The following TNNI3K variants were observed in gnomAD, a reference collection of about 807,000 sequenced individuals.
TNNI3K encodes the protein TNNI3 interacting kinase.
A neutral mutation model predicts 114.5 loss-of-function variants in TNNI3K; 140 were observed. The observed-to-expected ratio is 1.22, with a 90% CI of 1.07 to 1.41. The LOEUF (loss-of-function observed/expected upper bound fraction) is 1.41. Ranked by LOEUF, TNNI3K falls within the 40% of genes most tolerant of loss-of-function variation. The probability of loss-of-function intolerance (pLI) is 0.00; values close to 1 mark genes in which losing one functional copy is unlikely to be tolerated. For synonymous variants in TNNI3K, 347 were observed against 347.5 expected (o/e 1.00, Z 0.02); for missense variants, 1,125 against 1,007.6 (o/e 1.12, Z -1.58).
At chr1:74,446,052 C>A (rs1461075904) in intron 20 of TNNI3K, among the ~76,000 whole-genome samples, 1 of 151,826 alleles carries the variant, frequency 6.6e-6, no homozygotes, top group Non-Finnish European at 1.5e-5. Context: ...TGGGTATATA[C>A]CCAGTAATGG....
intron 7 of TNNI3K, among the ~76,000 whole-genome samples, chr1:74,337,177 A>G (rs1437222003): frequency 2.6e-5 from 4 of 152,018 alleles, no homozygotes; most frequent in Admixed American, 6.6e-5. Flanking sequence ...CATGTCCTTC[A>G]CCCACTTTGT....
At chr1:74,260,786 T>G (rs578251720) in intron 4 of TNNI3K, among the ~76,000 whole-genome samples, 4 of 152,232 alleles carry the variant, frequency 2.6e-5, no homozygotes, top group South Asian at 2.1e-4. Flanking sequence ...AAATGGCATC[T>G]ATACTTAGAT....
chr1:74,340,631 T>C (rs1336754283), intron 7 of TNNI3K, among the ~76,000 whole-genome samples: 1 of 152,144 alleles, frequency 6.6e-6, no homozygotes, highest in African/African-American at 2.4e-5. Flanking sequence ...ACTAATTCAA[T>C]TGGCGAGGGA....
chr1:74,274,633 T>C (rs1201527789), intron 5 of TNNI3K, among the ~76,000 whole-genome samples: 1 of 151,970 alleles, frequency 6.6e-6, no homozygotes, highest in Admixed American at 6.6e-5. Context: ...AAAACAGCAA[T>C]ATAGTTATAA....
At chr1:74,324,518 C>T (rs1659796321) in intron 5 of TNNI3K, among the ~76,000 whole-genome samples, 1 of 152,130 alleles carries the variant, frequency 6.6e-6, no homozygotes, top group Admixed American at 6.5e-5. Context: ...CCAAATAAAA[C>T]CACATAAGAC....
At chr1:74,374,996 A>G (rs2100534233) in intron 17 of TNNI3K, 1 of 152,094 alleles carries the variant, frequency 6.6e-6, no homozygotes, top group South Asian at 2.1e-4. Context: ...AATACATGAT[A>G]TTCTCCTTCT....
intron 17 of TNNI3K, among the ~76,000 whole-genome samples, chr1:74,403,787 T>C (rs1025412938): frequency 1.3e-5 from 2 of 152,196 alleles, no homozygotes; most frequent in South Asian, 2.1e-4. Flanking sequence ...TTCTTGTACA[T>C]AGTTAATGAG....
chr1:74,241,498 T>A (rs994010071), intron 2 of TNNI3K, among the ~76,000 whole-genome samples: 1 of 152,208 alleles, frequency 6.6e-6, no homozygotes, highest in African/African-American at 2.4e-5. Context: ...GGTATCTCAT[T>A]GTGGTTTTGA....
rs1279483191 is a variant in TNNI3K, at chr1:74,495,380, GTATC to G, written c.2351+3121_2351+3124del. 1.2e-4 allele frequency among the ~76,000 whole-genome samples: 19 copies of G among 152,294 alleles called. No individual in the cohort carries two copies. The East Asian group carries it at 3.7e-3, about 29-fold the overall frequency. On this transcript the variant is annotated intron_variant, in intron 23 of 24. Transcript: ENST00000326637. The stretch of plus-strand genomic sequence containing the variant: ...TGTTCTATTCATTACTGTATCCTTA[GTATC>G]TATCTAGCAGTATGATTGGCATAAA...
rs1668587369 is a variant in TNNI3K, at chr1:74,483,164, T to A, written c.2122-6025T>A. The A allele has an allele frequency of 4.6e-6, 3 of 658,262 alleles. No individual in the cohort carries two copies. The East Asian group carries it at 8.2e-5, about 18-fold the overall frequency. 40.8% of individuals were successfully genotyped at this position (658,262 alleles called of 1,614,324 possible). ...GTGTACTCATTAAAGGGTTACCTCT[T>A]AAGCTGAGCCCAGAGAACAGTCAGT... On this transcript the variant is annotated intron_variant, in intron 21 of 24. Transcript: ENST00000326637.
At chr1:74,306,634 G>T (rs890710000) in intron 5 of TNNI3K, among the ~76,000 whole-genome samples, 1 of 152,138 alleles carries the variant, frequency 6.6e-6, no homozygotes, top group Non-Finnish European at 1.5e-5. Context: ...GATTAGTAAT[G>T]TTAGGCATTT....
intron 2 of TNNI3K, among the ~76,000 whole-genome samples, chr1:74,243,623 T>C (rs1432827938): frequency 6.6e-6 from 1 of 152,136 alleles, no homozygotes; most frequent in African/African-American, 2.4e-5. Context: ...CTTGAAAGGA[T>C]GAGGTCATGA....
rs182773231 is a variant in TNNI3K at position 74,388,539 on chromosome 1, G to A, written c.1772+18147G>A. 4.6e-5 allele frequency among the ~76,000 whole-genome samples: 7 copies of A among 152,050 alleles called. No individual in the cohort carries two copies. In the East Asian group the frequency reaches 5.8e-4, roughly 13 times the overall value. ...CTCTCCTCATCTCATCCACAACATC[G>A]GACTTCGTCTTTTCTCAGCCACCTG... On this transcript the variant is annotated intron_variant, in intron 17 of 24. Transcript: ENST00000326637.
At chr1:74,499,611 T>A (rs1669507292) in intron 23 of TNNI3K, among the ~76,000 whole-genome samples, 3 of 152,028 alleles carry the variant, frequency 2.0e-5, no homozygotes, top group African/African-American at 7.2e-5. Context: ...CCACTGGGGG[T>A]CTTGGAATAT....
chr1:74,370,252 C>A, intron 16 of TNNI3K, 36 bp from the exon 17 acceptor site: 1 of 1,509,610 alleles, frequency 6.6e-7, no homozygotes, highest in South Asian at 1.3e-5. Context: ...TCGTTTTGAC[C>A]ATTTCATCTC....
intron 20 of TNNI3K, among the ~76,000 whole-genome samples, chr1:74,457,185 G>C (rs1667262460): frequency 6.6e-6 from 1 of 152,144 alleles, no homozygotes; most frequent in Non-Finnish European, 1.5e-5. Flanking sequence ...AAGGAGTAGA[G>C]CCAACCAATC....
chr1:74,325,601 G>A (rs913571771), intron 5 of TNNI3K, among the ~76,000 whole-genome samples: 1 of 152,174 alleles, frequency 6.6e-6, no homozygotes, highest in Non-Finnish European at 1.5e-5. Context: ...TGGGCAATTA[G>A]GGGGCCTTTG....
chr1:74,367,872 G>C (rs373881314), intron 12 of TNNI3K, 36 bp from the exon 13 acceptor site: 1 of 1,534,018 alleles, frequency 6.5e-7, no homozygotes, highest in African/African-American at 1.4e-5. Context: ...AAAAATGATC[G>C]CTACTTTCAA....
At chr1:74,373,365 C>T (rs1284028190) in intron 17 of TNNI3K, 1 of 151,914 alleles carries the variant, frequency 6.6e-6, no homozygotes, top group African/African-American at 2.4e-5. Context: ...CTAACCTCTG[C>T]TTTAGCATGG....
Sources: allele counts gnomAD v4.1 joint callset (sites outside exome capture counted in the v4.1 genomes callset), GRCh38; gene constraint gnomAD v4.1.1; transcripts MANE v1.5; gene names NCBI Gene and HGNC (gene_info 2026-07-23, HGNC 2026-07-21).